CNTNAP2: variants seen among roughly 807,000 people sequenced by gnomAD.
CNTNAP2 encodes contactin associated protein 2, also known as contactin-associated protein-like 2.
Under a neutral mutation model 155.2 loss-of-function variants are expected in CNTNAP2, and 98 were observed. That is an observed-to-expected ratio of 0.63 (90% CI 0.54 to 0.75). The LOEUF is 0.75. CNTNAP2 is among the 30% of genes least tolerant of loss of function. CNTNAP2 has a pLI of 0.00. For synonymous variants in CNTNAP2, 651 were observed against 631.2 expected (o/e 1.03, Z -0.47); for missense variants, 1,727 against 1,688.1 (o/e 1.02, Z -0.40).
intron 11 of CNTNAP2, among the ~76,000 whole-genome samples, chr7:147,507,250 G>A (rs942453419): frequency 1.3e-5 from 2 of 152,134 alleles, no homozygotes; most frequent in South Asian, 2.1e-4. Context: ...ATGACATATA[G>A]GAAAGTAGAT....
At chr7:146,608,794 T>G (rs142513704) in intron 1 of CNTNAP2, among the ~76,000 whole-genome samples, 2,101 of 152,258 alleles carry the variant, frequency 0.014, 34 homozygotes, top group Middle Eastern at 0.051. Flanking sequence ...TCATCTTTTT[T>G]GGGGGATGAT....
intron 11 of CNTNAP2, among the ~76,000 whole-genome samples, chr7:147,509,882 T>C (rs1160880320): frequency 6.6e-6 from 1 of 152,144 alleles, no homozygotes; most frequent in African/African-American, 2.4e-5. Flanking sequence ...TTTTGAGTTT[T>C]AGTTACTGAA....
intron 12 of CNTNAP2, among the ~76,000 whole-genome samples, chr7:147,588,965 T>G (rs1291399128): frequency 6.6e-6 from 1 of 152,178 alleles, no homozygotes; most frequent in Non-Finnish European, 1.5e-5. Context: ...GGGTATATGT[T>G]GATTACTTCA....
intron 1 of CNTNAP2, among the ~76,000 whole-genome samples, chr7:146,270,889 C>G (rs1402984458): frequency 1.3e-5 from 2 of 152,074 alleles, no homozygotes; most frequent in Non-Finnish European, 2.9e-5. Context: ...AGACATTCAA[C>G]AAACATTTCT....
At chr7:148,167,894 C>T (rs1200572824) in intron 17 of CNTNAP2, among the ~76,000 whole-genome samples, 1 of 152,128 alleles carries the variant, frequency 6.6e-6, no homozygotes, top group African/African-American at 2.4e-5. Flanking sequence ...CCACTAAATC[C>T]TTTCTGAAAT....
intron 13 of CNTNAP2, among the ~76,000 whole-genome samples, chr7:147,857,676 T>C (rs1303756578): frequency 6.6e-6 from 1 of 152,212 alleles, no homozygotes; most frequent in Non-Finnish European, 1.5e-5. Context: ...TAAGCACTGA[T>C]GGGAATATTT....
chr7:147,056,627 A>G (rs190484568), intron 4 of CNTNAP2, among the ~76,000 whole-genome samples: 1 of 152,324 alleles, frequency 6.6e-6, no homozygotes, highest in East Asian at 1.9e-4. Flanking sequence ...ATACTTACTA[A>G]TGCTAAAGTT....
chr7:148,271,144 A>T (rs1449082735), intron 21 of CNTNAP2, among the ~76,000 whole-genome samples: 3 of 152,248 alleles, frequency 2.0e-5, no homozygotes, highest in African/African-American at 7.2e-5. Flanking sequence ...GCCGGTTATT[A>T]TGCTATATGC....
chr7:146,884,076 T>TATA (rs1428956504), intron 3 of CNTNAP2, among the ~76,000 whole-genome samples: 2 of 152,114 alleles, frequency 1.3e-5, no homozygotes, highest in Non-Finnish European at 2.9e-5. Flanking sequence ...AACTCCGTAA[T>TATA]ATAATTGTCC....
At chr7:146,620,203 G>C (rs1328112635) in intron 1 of CNTNAP2, among the ~76,000 whole-genome samples, 1 of 152,022 alleles carries the variant, frequency 6.6e-6, no homozygotes, top group Non-Finnish European at 1.5e-5. Context: ...ACTTAAGCAG[G>C]GAGAATGATA....
chr7:146,588,802 C>T (rs1294736075), intron 1 of CNTNAP2, among the ~76,000 whole-genome samples: 6 of 152,048 alleles, frequency 3.9e-5, no homozygotes, highest in Middle Eastern at 3.2e-3. Context: ...AGCCACTGTG[C>T]CTGGCCCACA....
intron 15 of CNTNAP2, among the ~76,000 whole-genome samples, chr7:148,062,011 T>G (rs62471697): frequency 0.19 from 15,417 of 82,884 alleles, 1,902 homozygotes; most frequent in African/African-American, 0.32. Context: ...AGATAGATGA[T>G]AGAGAGAGAG....
At chr7:147,279,865 C>T (rs1352090556) in intron 8 of CNTNAP2, among the ~76,000 whole-genome samples, 2 of 151,768 alleles carry the variant, frequency 1.3e-5, no homozygotes, top group Non-Finnish European at 2.9e-5. Context: ...TTACAAGATG[C>T]TAAGTAGGGA....
At chr7:147,597,811 C>T (rs551344270) in intron 12 of CNTNAP2, among the ~76,000 whole-genome samples, 5 of 152,134 alleles carry the variant, frequency 3.3e-5, no homozygotes, top group South Asian at 2.1e-4. Flanking sequence ...AGTTCGGAAA[C>T]GTGTGTCCTG....
intron 1 of CNTNAP2, among the ~76,000 whole-genome samples, chr7:146,743,185 T>C (rs930691829): frequency 2.6e-5 from 4 of 152,180 alleles, no homozygotes; most frequent in South Asian, 2.1e-4. Flanking sequence ...AAAAAAACAA[T>C]GCTTGTGTTG....
intron 8 of CNTNAP2, among the ~76,000 whole-genome samples, chr7:147,184,316 T>C (rs1418311465): frequency 2.0e-5 from 3 of 152,192 alleles, no homozygotes; most frequent in African/African-American, 7.2e-5. Context: ...GCCTGAGGTC[T>C]TTACCATTTA....
chr7:146,412,856 C>T (rs767462659), intron 1 of CNTNAP2, among the ~76,000 whole-genome samples: 12 of 152,212 alleles, frequency 7.9e-5, no homozygotes, highest in Non-Finnish European at 1.6e-4. Context: ...AGTTTAGTCA[C>T]AGAGTAAACC....
intron 11 of CNTNAP2, among the ~76,000 whole-genome samples, chr7:147,548,490 T>C (rs1799786841): frequency 6.6e-6 from 1 of 152,224 alleles, no homozygotes; most frequent in Non-Finnish European, 1.5e-5. Flanking sequence ...AAGTTCCTTG[T>C]AAATTCTGGA....
At chr7:146,171,679 C>A (rs979104012) in intron 1 of CNTNAP2, among the ~76,000 whole-genome samples, 3 of 151,992 alleles carry the variant, frequency 2.0e-5, no homozygotes, top group Non-Finnish European at 2.9e-5. Flanking sequence ...GCCAAAATTT[C>A]TATTAATATG....
Sources: gnomAD v4.1 joint callset for allele counts (sites outside exome capture counted in the v4.1 genomes callset) on GRCh38, gnomAD v4.1.1 for gene constraint, MANE v1.5 for transcripts, NCBI Gene and HGNC (gene_info 2026-07-23, HGNC 2026-07-21) for gene names.